KDM6B: variants seen among roughly 807,000 people sequenced by gnomAD.
The protein encoded by KDM6B is lysine-specific demethylase 6B.
KDM6B carries 22 observed loss-of-function variants against 150.4 expected under a neutral mutation model. The ratio of observed to expected loss-of-function variants is 0.15; its 90% CI spans 0.10 to 0.21. KDM6B has a LOEUF of 0.21. Ranked by LOEUF, KDM6B falls within the 10% of genes least tolerant of loss-of-function variation. The pLI is 1.00. For missense variants in KDM6B, 1,984 were observed against 2,234.3 expected, an observed-to-expected ratio of 0.89 and a Z score of 2.26; for synonymous variants, 1,148 against 921.1, an observed-to-expected ratio of 1.25 and a Z score of -4.46.
rs915881094 is a variant in KDM6B, at chr17:7,844,623, G to A, written c.-268-278G>A. Among the ~76,000 whole-genome samples the A allele has an allele frequency of 6.6e-6, 1 of 152,204 alleles. No homozygotes were observed. The highest frequency in any genetic ancestry group is 1.5e-5 in the Non-Finnish European group (1 of 68,028). ...GTGGGGCTACTCGAGCAGCCTGGCC[G>A]TGGCCACCGGCGGCTCTGGGTGCTT... is the stretch of plus-strand genomic sequence containing the variant. On this transcript the variant is annotated intron_variant, in intron 2 of 23. Coordinates refer to ENST00000448097, the MANE Select transcript of KDM6B (RefSeq NM_001348716.2). This position sits in a 1 kb window ranked among gnomAD's most constrained non-coding sequence, Gnocchi z 5.9.
rs987871260 is a variant in KDM6B at position 7,843,406 on chromosome 17, G to A, written c.-268-1495G>A. 2.6e-5 allele frequency among the ~76,000 whole-genome samples: 4 copies of A among 152,226 alleles called. No individual in the cohort carries two copies. Among genetic ancestry groups the A allele is most frequent in the African/African-American group, 9.6e-5 (4 of 41,458 alleles). The stretch of plus-strand genomic sequence containing the variant: ...TGACAGTAATACCACGTGAACCGCG[G>A]AGAGGGTCCGCGGGGCCCAAGCGAC... On this transcript the variant is annotated intron_variant, in intron 2 of 23. Coordinates refer to ENST00000448097, the MANE Select transcript of KDM6B (RefSeq NM_001348716.2). The surrounding 1 kb of genome is among the most constrained non-coding windows in gnomAD (Gnocchi z 4.5).
Position 7,851,211 on chromosome 17 carries a change from C to T in KDM6B, c.3864C>T (p.Phe1288=), listed in dbSNP as rs147485087. Reference sequence around the variant, plus strand: ...ACGCACAGTACCAGGCCTCATCCTTCCAGGAGTCTCTGCAGGTGAGATGAG... The same window carrying T: ...ACGCACAGTACCAGGCCTCATCCTTTCAGGAGTCTCTGCAGGTGAGATGAG... ...AKYAQYQASS[F]QESLQEEKES... is the part of the protein sequence containing the mutation. Residue 1288 remains phenylalanine (F), a synonymous_variant, in exon 15 of 24, where the codon TTC becomes TTT. Transcript: ENST00000448097. 3.1e-6 allele frequency: 5 copies of T among 1,614,034 alleles called. No homozygotes were observed. Among genetic ancestry groups the T allele is most frequent in the East Asian group, 2.2e-5 (1 of 44,890 alleles).
rs2078492411 is a variant in KDM6B, at chr17:7,844,632, G to A, written c.-268-269G>A. ...CTCGAGCAGCCTGGCCGTGGCCACC[G>A]GCGGCTCTGGGTGCTTGAGGCTTGC... On this transcript the variant is annotated intron_variant, in intron 2 of 23. Coordinates refer to ENST00000448097, the MANE Select transcript of KDM6B (RefSeq NM_001348716.2). This position sits in a 1 kb window ranked among gnomAD's most constrained non-coding sequence, Gnocchi z 5.9. 6.6e-6 allele frequency among the ~76,000 whole-genome samples: 1 copy of A among 152,208 alleles called. No homozygotes were observed. The highest frequency in any genetic ancestry group is 1.5e-5 in the Non-Finnish European group (1 of 68,024).
At chr17:7,847,053 C>T (rs201841478) in intron 10 of KDM6B, 37 bp downstream of exon 10, 5 of 1,610,544 alleles carry the variant, frequency 3.1e-6, no homozygotes, top group Non-Finnish European at 4.2e-6. Flanking sequence ...CTCTCACCTA[C>T]AAGTCCCACG....
In KDM6B at chr17:7,852,696, C is replaced by T. The variant is rs2078722736; in HGVS notation, c.4610+60C>T. 23 of 1,604,480 alleles carry T rather than the reference C, an allele frequency of 1.4e-5. No homozygotes were observed. The East Asian group carries it at 2.2e-4, about 16-fold the overall frequency. On this transcript the variant is annotated intron_variant, in intron 21 of 23. Coordinates refer to ENST00000448097, the MANE Select transcript of KDM6B (RefSeq NM_001348716.2). ...CTGACTGGTCCCTTTTCTTGTTCTTCCTGTCTGACTCCACCCCATTTTTAC... is the reference window on the plus strand; with the variant it reads ...CTGACTGGTCCCTTTTCTTGTTCTTTCTGTCTGACTCCACCCCATTTTTAC...
chr17:7,852,747 C>T (rs1356377152), intron 21 of KDM6B, 111 bp downstream of exon 21: 2 of 1,486,128 alleles, frequency 1.3e-6, no homozygotes, highest in Admixed American at 1.7e-5. Context: ...TCTGCCTGTG[C>T]CCCGAGTGTT....
intron 1 of KDM6B, among the ~76,000 whole-genome samples, chr17:7,836,885 C>T (rs1410938146): frequency 6.6e-6 from 1 of 152,162 alleles, no homozygotes; most frequent in Non-Finnish European, 1.5e-5. Flanking sequence ...GCACGTGCCC[C>T]GGGATGGTTG....
Position 7,851,800 on chromosome 17 carries a change from C to T in KDM6B, c.4165+4C>T, listed in dbSNP as rs975538163. ...GTGCCCGGCAGCCGAACGCCAGGTG[C>T]GCTCCACGCCTGTGCGCGCTGATGC... On this transcript the variant is annotated splice_donor_region_variant and intron_variant, in intron 18 of 23. Transcript: ENST00000448097. 6.4e-7 allele frequency: 1 copy of T among 1,555,214 alleles called. No homozygotes were observed. Among genetic ancestry groups the T allele is most frequent in the South Asian group, 1.2e-5 (1 of 85,290 alleles).
At position 7,846,747 on chromosome 17, in the gene KDM6B, G is replaced by A. The variant is rs376757637; in HGVS notation, c.711+7G>A. The A allele has an allele frequency of 1.7e-4, 268 of 1,613,882 alleles. 1 individual carries two copies. The highest frequency in any genetic ancestry group is 2.2e-4 in the Non-Finnish European group (254 of 1,179,960). On this transcript the variant is annotated splice_region_variant and intron_variant, in intron 9 of 23. Coordinates refer to ENST00000448097, the MANE Select transcript of KDM6B (RefSeq NM_001348716.2). ...AGGCTGCAACTCTGAACAGGTGTGG[G>A]TATAGGGGGGCCAGCAGGCAGTAAG... is the stretch of plus-strand genomic sequence containing the variant.
chr17:7,850,444 G>A lies in KDM6B; in HGVS notation c.3673+267G>A, dbSNP rs75930384. Among the ~76,000 whole-genome samples, 582 of 152,304 alleles carry A rather than the reference G, an allele frequency of 3.8e-3. 6 individuals are homozygous for A. Among genetic ancestry groups the A allele is most frequent in the African/African-American group, 0.014 (566 of 41,558 alleles). On this transcript the variant is annotated intron_variant, in intron 14 of 23. Coordinates refer to ENST00000448097, the MANE Select transcript of KDM6B (RefSeq NM_001348716.2). Reference sequence around the variant, plus strand: ...ATAATACAGATTTTAGAAAACCCCTGAAAATCTGTGATGTTGGGGCTCTCT... The same window carrying A: ...ATAATACAGATTTTAGAAAACCCCTAAAAATCTGTGATGTTGGGGCTCTCT...
chr17:7,853,320 G>T lies in KDM6B; in HGVS notation c.4848G>T (p.Val1616=), dbSNP rs754818120. The stretch of plus-strand genomic sequence containing the variant: ...GCCGCAGCGCAGGCCTGCAGGGCGT[G>T]GTGGTGCTGGAGCAGTACCGCACTG... ...ARRRSAGLQG[V]VVLEQYRTEE... The change falls in exon 23 of 24, where the codon GTG becomes GTT. Residue 1616 remains valine, a synonymous_variant. Transcript: ENST00000448097. The T allele has an allele frequency of 3.1e-6, 5 of 1,592,010 alleles. No homozygotes were observed. The highest frequency in any genetic ancestry group is 1.7e-4 in the Middle Eastern group (1 of 6,048).
intron 2 of KDM6B, among the ~76,000 whole-genome samples, chr17:7,841,417 C>T (rs1378969180): frequency 3.3e-5 from 5 of 152,162 alleles, no homozygotes; most frequent in Non-Finnish European, 7.3e-5. Flanking sequence ...GCGCCAGTGT[C>T]GCCCCGACTC....
Position 7,853,681 on chromosome 17 carries a change from C to A in KDM6B, c.*160C>A. On this transcript the variant is annotated 3_prime_UTR_variant, in exon 24 of 24. Transcript: ENST00000448097. ...CCCTCACTTAATTTATTAAGAAAAA[C>A]TTTTTTTTTTTTTTTAGCAAATATG... is the stretch of plus-strand genomic sequence containing the variant. 3.1e-6 allele frequency: 1 copy of A among 320,948 alleles called. No homozygotes were observed. The highest frequency in any genetic ancestry group is 5.5e-6 in the Non-Finnish European group (1 of 183,482). 19.9% of individuals were successfully genotyped at this position (320,948 alleles called of 1,614,324 possible).
Position 7,848,096 on chromosome 17 carries a change from C to T in KDM6B, c.1808C>T (p.Thr603Ile), listed in dbSNP as rs1007104072. The T allele has an allele frequency of 1.2e-5, 19 of 1,612,638 alleles. No homozygotes were observed. The highest frequency in any genetic ancestry group is 2.2e-5 in the South Asian group (2 of 91,062). Residue 603 changes from threonine to isoleucine, a missense_variant, in exon 12 of 24, where the codon ACT becomes ATT. Thr to Ile is a moderately conservative substitution (Grantham distance 89). Around this residue, in one of 13 missense-constraint regions of KDM6B, gnomAD observed 1,379 missense variants for 1,275.6 expected, o/e 1.08. Coordinates refer to ENST00000448097, the MANE Select transcript of KDM6B (RefSeq NM_001348716.2). ...CAGGACCCACCTCTTGTACCCCTGA[C>T]TCTTGCCCTGCCTCCAGCCCCTCCT... ...NPQDPPLVPLTLALPPAPPSS... is the reference protein window; with the variant it reads ...NPQDPPLVPLILALPPAPPSS...
At chr17:7,852,823 A>T (rs1301281374) in intron 21 of KDM6B, among the ~76,000 whole-genome samples, 177 bp from the exon 22 acceptor site, 1 of 152,164 alleles carries the variant, frequency 6.6e-6, no homozygotes, top group Non-Finnish European at 1.5e-5. Flanking sequence ...AAATAGACAA[A>T]AGCCACAGGA....
rs1261244395 is a variant in KDM6B at position 7,853,761 on chromosome 17, C to T, written c.*240C>T. 6.4e-6 allele frequency: 2 copies of T among 311,604 alleles called. No individual in the cohort carries two copies. The highest frequency in any genetic ancestry group is 1.2e-5 in the Non-Finnish European group (2 of 171,376). 19.3% of individuals were successfully genotyped at this position (311,604 alleles called of 1,614,324 possible). ...GGGAGGGGGCTGGCAGCCCCTCGCC[C>T]ACCAGCGCCTCCCCTCACCGACTTT... is the stretch of plus-strand genomic sequence containing the variant. On this transcript the variant is annotated 3_prime_UTR_variant, in exon 24 of 24. Coordinates refer to ENST00000448097, the MANE Select transcript of KDM6B (RefSeq NM_001348716.2).
At chr17:7,838,722 G>C (rs2078371334) in intron 1 of KDM6B, among the ~76,000 whole-genome samples, 1 of 150,664 alleles carries the variant, frequency 6.6e-6, no homozygotes, top group Admixed American at 6.6e-5. Context: ...GCAGAACACA[G>C]ATGCCACAGA....
At position 7,847,169 on chromosome 17, in the gene KDM6B, C is replaced by A; in HGVS notation, c.974C>A (p.Pro325His). The A allele has an allele frequency of 6.2e-7, 1 of 1,606,206 alleles. No homozygotes were observed. The highest frequency in any genetic ancestry group is 8.5e-7 in the Non-Finnish European group (1 of 1,179,770). The change falls in exon 11 of 24, where the codon CCT (proline) becomes CAT (histidine). Residue 325 changes from proline (P) to histidine (H), a missense_variant. Pro to His is a moderately conservative substitution (Grantham distance 77). Coordinates refer to ENST00000448097, the MANE Select transcript of KDM6B (RefSeq NM_001348716.2). ...YPAPAYTAHP[P>H]GHRLVPAAPP... The stretch of plus-strand genomic sequence containing the variant: ...GCTCCAGCGTACACCGCGCACCCCC[C>A]TGGCCACCGGCTGGTCCCGGCTGCT...
chr17:7,848,042 C>T lies in KDM6B; in HGVS notation c.1754C>T (p.Pro585Leu). The change falls in exon 12 of 24, where the codon CCC becomes CTC. Residue 585 changes from proline to leucine, a missense_variant. By Grantham distance (98) the Pro-to-Leu change is moderately conservative. Around this residue, in one of 13 missense-constraint regions of KDM6B, gnomAD observed 1,379 missense variants for 1,275.6 expected, o/e 1.08. Transcript: ENST00000448097. ...CTGGCCAGAAGTATAGACCCCCTTCCCCGGCCTCCCAGCCCAGCACAGAAC... is the reference window on the plus strand; with the variant it reads ...CTGGCCAGAAGTATAGACCCCCTTCTCCGGCCTCCCAGCCCAGCACAGAAC... ...PYLARSIDPL[P>L]RPPSPAQNPQ... The T allele has an allele frequency of 6.2e-7, 1 of 1,611,710 alleles. No individual in the cohort carries two copies. The highest frequency in any genetic ancestry group is 2.2e-5 in the East Asian group (1 of 44,786).
Sources: gnomAD v4.1 joint callset for allele counts (sites outside exome capture counted in the v4.1 genomes callset) on GRCh38, gnomAD v4.1.1 for gene constraint, gnomAD v4.1.1 regional missense constraint, Gnocchi (gnomAD v3.1) non-coding constraint, MANE v1.5 for transcripts, NCBI Gene and HGNC (gene_info 2026-07-23, HGNC 2026-07-21) for gene names.